DPF3: variants seen among roughly 807,000 people sequenced by gnomAD.
The protein encoded by DPF3 is zinc finger protein DPF3.
In DPF3, 18 loss-of-function variants were observed where a neutral mutation model predicts 56.8. That is an observed-to-expected ratio of 0.32 (90% confidence interval 0.22 to 0.47). The LOEUF (loss-of-function observed/expected upper bound fraction) is 0.47, where lower values mean the gene tolerates loss of function less well. Ranked by LOEUF, DPF3 falls within the 20% of genes least tolerant of loss-of-function variation. DPF3 has a pLI of 1.00. For synonymous variants in DPF3, 188 were observed against 180.2 expected (o/e 1.04, Z -0.35); for missense variants, 403 against 488.8 (o/e 0.82, Z 1.65).
chr14:72,782,052 A>G (rs998404013), intron 1 of DPF3, among the ~76,000 whole-genome samples: 2 of 152,160 alleles, frequency 1.3e-5, no homozygotes, highest in Admixed American at 6.5e-5. Context: ...CGCCTATAGA[A>G]GCAGACTATT....
At chr14:72,826,781 G>T (rs978214086) in intron 1 of DPF3, among the ~76,000 whole-genome samples, 1 of 152,082 alleles carries the variant, frequency 6.6e-6, no homozygotes, top group African/African-American at 2.4e-5. Context: ...GGTGGCTCAC[G>T]CCTGTAGTTC....
At chr14:72,786,359 C>T (rs536092787) in intron 1 of DPF3, among the ~76,000 whole-genome samples, 1 of 152,330 alleles carries the variant, frequency 6.6e-6, no homozygotes, top group South Asian at 2.1e-4. Flanking sequence ...TCAGTCCAGA[C>T]TCCTAGTTCA....
In DPF3 at chr14:72,821,272, G is replaced by A. The variant is rs911320671; in HGVS notation, c.33-49379C>T. Among the ~76,000 whole-genome samples, 76 of 152,112 alleles carry A rather than the reference G, an allele frequency of 5.0e-4. 1 individual carries two copies. The highest frequency in any genetic ancestry group is 5.0e-3 in the Admixed American group (76 of 15,254). ...GCACTCCAGCTTGGGCAACAGAGTA[G>A]GACTGTGTCTCAAAACAAGAAAAAA... On this transcript the variant is annotated intron_variant, in intron 1 of 10. Transcript: ENST00000556509.
intron 8 of DPF3, among the ~76,000 whole-genome samples, chr14:72,649,660 T>TTGG (rs1555491965): frequency 3.4e-4 from 21 of 61,152 alleles, no homozygotes; most frequent in Middle Eastern, 8.8e-3. Flanking sequence ...CATCCCTGGG[T>TTGG]GGGGGGGGGG....
rs1398210503 is a variant in DPF3 at position 72,698,826 on chromosome 14, C to G, written c.605-5613G>C. On this transcript the variant is annotated intron_variant, in intron 6 of 10. Coordinates refer to ENST00000556509, the MANE Select transcript of DPF3 (RefSeq NM_001280542.3). ...AGCACTACCATAAGTGGATGAGCAT[C>G]TGTATGCATCTCTCCCACTGGCAGC... 3.3e-5 allele frequency among the ~76,000 whole-genome samples: 5 copies of G among 152,248 alleles called. No individual in the cohort carries two copies. In the South Asian group the frequency reaches 1.0e-3, roughly 32 times the overall value.
At chr14:72,690,803 G>T (rs1353325793) in intron 7 of DPF3, among the ~76,000 whole-genome samples, 1 of 152,142 alleles carries the variant, frequency 6.6e-6, no homozygotes, top group Non-Finnish European at 1.5e-5. Context: ...GCTAGCACAG[G>T]GGAGTGAGAA....
intron 1 of DPF3, among the ~76,000 whole-genome samples, chr14:72,844,893 G>T (rs1345422048): frequency 3.3e-5 from 5 of 152,162 alleles, no homozygotes; most frequent in African/African-American, 1.2e-4. Context: ...GGAGGTCAAG[G>T]CCAGACGATC....
chr14:72,732,009 C>G, intron 3 of DPF3, 75 bp from the exon 4 acceptor site: 1 of 1,527,462 alleles, frequency 6.5e-7, no homozygotes, highest in African/African-American at 1.4e-5. Flanking sequence ...CTGGAGGACA[C>G]GCAGGGCCCA....
At chr14:72,695,443 T>G (rs1026714951) in intron 6 of DPF3, among the ~76,000 whole-genome samples, 1 of 152,214 alleles carries the variant, frequency 6.6e-6, no homozygotes, top group African/African-American at 2.4e-5. Flanking sequence ...GATGAGAGTC[T>G]GAAATTCAAG....
chr14:72,706,055 C>G (rs1296790186), intron 6 of DPF3, among the ~76,000 whole-genome samples: 1 of 152,216 alleles, frequency 6.6e-6, no homozygotes, highest in African/African-American at 2.4e-5. Context: ...GTTTCCTTAT[C>G]TGTAGGATAG....
At chr14:72,824,849 G>A (rs913713807) in intron 1 of DPF3, among the ~76,000 whole-genome samples, 22 of 151,814 alleles carry the variant, frequency 1.4e-4, no homozygotes, top group Admixed American at 4.6e-4. Flanking sequence ...TGGGATTACA[G>A]GCGTGAGCTA....
intron 1 of DPF3, among the ~76,000 whole-genome samples, chr14:72,818,883 A>G (rs1195575016): frequency 6.6e-6 from 1 of 152,254 alleles, no homozygotes; most frequent in African/African-American, 2.4e-5. Context: ...GATTCATAGT[A>G]CATATATGTA....
At chr14:72,852,263 A>G (rs1166679124) in intron 1 of DPF3, among the ~76,000 whole-genome samples, 1 of 152,230 alleles carries the variant, frequency 6.6e-6, no homozygotes, top group Non-Finnish European at 1.5e-5. Flanking sequence ...CGGAGTGAAA[A>G]AAGTTGGAGG....
In DPF3 at chr14:72,610,177, G is replaced by A. The variant is rs558230052; in HGVS notation, c.*9120C>T. 1.2e-4 allele frequency among the ~76,000 whole-genome samples: 18 copies of A among 152,318 alleles called. No homozygotes were observed. In the South Asian group the frequency reaches 2.3e-3, roughly 19 times the overall value. Reference sequence around the variant, plus strand: ...GAAGAAGCAATCCCAGGTTTGCTTCGTATCTGCAGGTCTAGAGACATCAAT... The same window carrying A: ...GAAGAAGCAATCCCAGGTTTGCTTCATATCTGCAGGTCTAGAGACATCAAT... On this transcript the variant is annotated 3_prime_UTR_variant, in exon 11 of 11. Coordinates refer to ENST00000556509, the MANE Select transcript of DPF3 (RefSeq NM_001280542.3).
intron 1 of DPF3, 111 bp downstream of exon 1, chr14:72,893,946 G>T: frequency 3.2e-6 from 4 of 1,262,788 alleles, no homozygotes; most frequent in Non-Finnish European, 4.5e-6. Context: ...GCCCCGCCGC[G>T]GCTGGAGGCG....
At chr14:72,818,350 A>G (rs1397320937) in intron 1 of DPF3, among the ~76,000 whole-genome samples, 2 of 152,138 alleles carry the variant, frequency 1.3e-5, no homozygotes, top group Non-Finnish European at 1.5e-5. Context: ...GGGAAAAATA[A>G]CCTGGACTTC....
intron 1 of DPF3, among the ~76,000 whole-genome samples, chr14:72,862,347 C>T (rs6574102): frequency 0.68 from 103,643 of 151,932 alleles, 35,519 homozygotes; most frequent in African/African-American, 0.74. Flanking sequence ...AACAATCCAC[C>T]GTCTCATCTT....
Position 72,828,366 on chromosome 14 carries a change from G to T in DPF3, c.33-56473C>A, listed in dbSNP as rs1883904846. 2.6e-5 allele frequency among the ~76,000 whole-genome samples: 4 copies of T among 151,992 alleles called. No individual in the cohort carries two copies. In the South Asian group the frequency reaches 8.4e-4, roughly 32 times the overall value. On this transcript the variant is annotated intron_variant, in intron 1 of 10. Transcript: ENST00000556509. ...GGGGCATCTTCTAGAGGAGAAGATTGAGACAAGCATTAAAAGATTATCATG... is the reference window on the plus strand; with the variant it reads ...GGGGCATCTTCTAGAGGAGAAGATTTAGACAAGCATTAAAAGATTATCATG...
chr14:72,873,130 C>T (rs956224822), intron 1 of DPF3, among the ~76,000 whole-genome samples: 1 of 152,060 alleles, frequency 6.6e-6, no homozygotes, highest in Non-Finnish European at 1.5e-5. Flanking sequence ...TCAGAGTGAA[C>T]AGGCAACCTA....
Sources: allele counts gnomAD v4.1 joint callset (sites outside exome capture counted in the v4.1 genomes callset), GRCh38; gene constraint gnomAD v4.1.1; transcripts MANE v1.5; gene names NCBI Gene and HGNC (gene_info 2026-07-23, HGNC 2026-07-21).